Variants in FAM3C observed in about 807,000 individuals in gnomAD.
The protein encoded by FAM3C is protein FAM3C.
FAM3C carries 15 observed loss-of-function variants against 32.5 expected under a neutral mutation model. That is an observed-to-expected ratio of 0.46 (90% CI 0.31 to 0.71). The LOEUF (loss-of-function observed/expected upper bound fraction) is 0.71. FAM3C is among the 30% of genes least tolerant of loss of function. The probability of loss-of-function intolerance (pLI) is 0.05; values close to 1 mark genes in which losing one functional copy is unlikely to be tolerated. For missense variants in FAM3C, 175 were observed against 274.4 expected (o/e 0.64, Z 2.56); for synonymous variants, 75 against 86.1 (o/e 0.87, Z 0.72).
intron 8 of FAM3C, among the ~76,000 whole-genome samples, chr7:121,351,834 C>A (rs1164843198): frequency 6.6e-6 from 1 of 152,164 alleles, no homozygotes; most frequent in African/African-American, 2.4e-5. Flanking sequence ...AACCACACAG[C>A]AGCTAAATGC....
At chr7:121,373,189 CT>C (rs908970241) in intron 3 of FAM3C, among the ~76,000 whole-genome samples, 1 of 86,190 alleles carries the variant, frequency 1.2e-5, no homozygotes, top group Admixed American at 9.6e-5. Context: ...AGGATTTTAA[CT>C]ACTTAAAATC....
chr7:121,367,838 C>T (rs1049617626), intron 5 of FAM3C, among the ~76,000 whole-genome samples: 2 of 151,866 alleles, frequency 1.3e-5, no homozygotes, highest in Non-Finnish European at 1.5e-5. Flanking sequence ...TGGTGGTATG[C>T]GCCTGTAGTC....
chr7:121,379,117 C>G, intron 2 of FAM3C, 103 bp from the exon 3 acceptor site: 1 of 653,960 alleles, frequency 1.5e-6, no homozygotes, highest in Non-Finnish European at 2.7e-6. Context: ...CAATACATTT[C>G]TACTTTGTAT....
intron 4 of FAM3C, among the ~76,000 whole-genome samples, chr7:121,371,635 C>T (rs1289975032): frequency 1.3e-5 from 2 of 152,036 alleles, no homozygotes; most frequent in Admixed American, 1.3e-4. Context: ...CCACAACAGA[C>T]ACCAGATCTT....
At chr7:121,383,113 A>C in intron 1 of FAM3C, 103 bp from the exon 2 acceptor site, 2 of 576,020 alleles carry the variant, frequency 3.5e-6, no homozygotes, top group Non-Finnish European at 5.9e-6. Flanking sequence ...ATTTTATGAC[A>C]TTTCTAAGTA....
At chr7:121,361,541 T>C (rs562830806) in intron 7 of FAM3C, among the ~76,000 whole-genome samples, 108 of 152,190 alleles carry the variant, frequency 7.1e-4, no homozygotes, top group African/African-American at 2.4e-3. Flanking sequence ...TTTGTAAGAC[T>C]CTTTCTATCA....
rs560209097 is a variant in FAM3C, at chr7:121,359,668, C to G, written c.467+375G>C. 2.0e-5 allele frequency among the ~76,000 whole-genome samples: 3 copies of G among 151,930 alleles called. No individual in the cohort carries two copies. The South Asian group carries it at 6.2e-4, about 32-fold the overall frequency. On this transcript the variant is annotated intron_variant, in intron 8 of 9. Transcript: ENST00000359943. ...ACACCTGTATCTTTGACAATTAACT[C>G]CATTTCTTGAAATTTACCCTAATGA...
At chr7:121,379,569 C>T (rs1794309558) in intron 2 of FAM3C, among the ~76,000 whole-genome samples, 1 of 152,218 alleles carries the variant, frequency 6.6e-6, no homozygotes, top group South Asian at 2.1e-4. Flanking sequence ...ATACTTAATA[C>T]CTTAGTACCT....
intron 7 of FAM3C, among the ~76,000 whole-genome samples, chr7:121,361,993 C>T (rs909527904): frequency 6.6e-6 from 1 of 152,144 alleles, no homozygotes; most frequent in Non-Finnish European, 1.5e-5. Flanking sequence ...CATCTTATTA[C>T]AAGCTGAAGA....
chr7:121,372,319 T>G (rs187354279), intron 3 of FAM3C, among the ~76,000 whole-genome samples, 180 bp from the exon 4 acceptor site: 1 of 152,330 alleles, frequency 6.6e-6, no homozygotes, highest in East Asian at 1.9e-4. Context: ...CATTATAAAC[T>G]ATTAAATAAT....
At chr7:121,353,370 C>CT (rs1436642691) in intron 8 of FAM3C, among the ~76,000 whole-genome samples, 1 of 152,110 alleles carries the variant, frequency 6.6e-6, no homozygotes, top group African/African-American at 2.4e-5. Context: ...CAAGGAGAAA[C>CT]TTAAAGATTG....
chr7:121,351,461 A>G, intron 8 of FAM3C, 192 bp from the exon 9 acceptor site: 1 of 487,034 alleles, frequency 2.1e-6, no homozygotes, highest in Non-Finnish European at 3.6e-6. Flanking sequence ...ATGAACTCCA[A>G]CAATTAATTT....
intron 8 of FAM3C, among the ~76,000 whole-genome samples, chr7:121,356,643 G>T (rs1793815242): frequency 2.0e-5 from 3 of 152,188 alleles, no homozygotes; most frequent in Admixed American, 1.3e-4. Flanking sequence ...GAGAACAAGA[G>T]AATCTTGCCC....
At chr7:121,371,209 C>T (rs112716407) in intron 5 of FAM3C, 91 bp downstream of exon 5, 70 of 1,441,790 alleles carry the variant, frequency 4.9e-5, no homozygotes, top group East Asian at 2.5e-4. Context: ...TAAAGTATAC[C>T]GAACACATTT....
chr7:121,362,734 AATG>A (rs1793950192), intron 7 of FAM3C, 160 bp downstream of exon 7: 1 of 588,480 alleles, frequency 1.7e-6, no homozygotes, highest in Non-Finnish European at 3.0e-6. Flanking sequence ...ATAAAACATG[AATG>A]ATAACTTAAA....
intron 1 of FAM3C, among the ~76,000 whole-genome samples, chr7:121,394,143 A>G (rs1157184780): frequency 6.6e-6 from 1 of 152,226 alleles, no homozygotes; most frequent in South Asian, 2.1e-4. Context: ...TTACTGGTAC[A>G]TGGTAGGCAC....
At chr7:121,371,685 T>C (rs1016330412) in intron 4 of FAM3C, among the ~76,000 whole-genome samples, 1 of 152,192 alleles carries the variant, frequency 6.6e-6, no homozygotes, top group African/African-American at 2.4e-5. Context: ...ATGAGTCAAG[T>C]AATATGATCT....
chr7:121,360,021 A>T, intron 8 of FAM3C, 22 bp downstream of exon 8: 1 of 1,207,106 alleles, frequency 8.3e-7, no homozygotes, highest in South Asian at 1.3e-5. Context: ...TAGTTCCAAA[A>T]AGTTCTGTAA....
At chr7:121,393,469 C>A (rs561621664) in intron 1 of FAM3C, among the ~76,000 whole-genome samples, 3 of 151,874 alleles carry the variant, frequency 2.0e-5, no homozygotes, top group Admixed American at 6.6e-5. Flanking sequence ...ATGAAAAATT[C>A]TGTTACAGGA....
Sources: gnomAD v4.1 joint callset for allele counts (sites outside exome capture counted in the v4.1 genomes callset) on GRCh38, gnomAD v4.1.1 for gene constraint, MANE v1.5 for transcripts, NCBI Gene and HGNC (gene_info 2026-07-23, HGNC 2026-07-21) for gene names.